POU2F1: variants seen among roughly 807,000 people sequenced by gnomAD.
POU2F1 encodes POU domain, class 2, transcription factor 1.
In POU2F1, 16 loss-of-function variants were observed where a neutral mutation model predicts 84.9. The ratio of observed to expected loss-of-function variants is 0.19; its 90% confidence interval spans 0.13 to 0.29. The LOEUF is 0.29. POU2F1 is among the 10% of genes least tolerant of loss of function. POU2F1 has a pLI of 1.00. For missense variants in POU2F1, 738 were observed against 942.6 expected (o/e 0.78, Z 2.84); for synonymous variants, 368 against 368.3 (o/e 1.00, Z 0.01).
At chr1:167,372,220 C>T (rs960224257) in intron 5 of POU2F1, among the ~76,000 whole-genome samples, 184 bp downstream of exon 5, 11 of 152,196 alleles carry the variant, frequency 7.2e-5, no homozygotes, top group South Asian at 4.1e-4. Flanking sequence ...TTATCTTTGT[C>T]GTAAGTTTTC....
At chr1:167,258,345 T>C (rs1168179644) in intron 1 of POU2F1, among the ~76,000 whole-genome samples, 1 of 152,228 alleles carries the variant, frequency 6.6e-6, no homozygotes, top group Non-Finnish European at 1.5e-5. Flanking sequence ...CTTCCCCTTC[T>C]GAATGTGCCA....
In POU2F1 at chr1:167,352,352, GAGAT is replaced by G. The variant is rs553451313; in HGVS notation, c.128-13108_128-13105del. Among the ~76,000 whole-genome samples, 7 of 152,292 alleles carry G rather than the reference GAGAT, an allele frequency of 4.6e-5. No homozygotes were observed. The South Asian group carries it at 1.2e-3, about 27-fold the overall frequency. On this transcript the variant is annotated intron_variant, in intron 2 of 15. Transcript: ENST00000367866. Reference sequence around the variant, plus strand: ...AAATGTAGTTGAAGTAGCTAGCTGTGAGATAGATAGCAAAGGCCAGAATTCTACT... The same window carrying G: ...AAATGTAGTTGAAGTAGCTAGCTGTGAGATAGCAAAGGCCAGAATTCTACT...
intron 1 of POU2F1, among the ~76,000 whole-genome samples, chr1:167,255,690 A>G (rs1651079845): frequency 1.3e-5 from 2 of 152,150 alleles, no homozygotes; most frequent in Non-Finnish European, 2.9e-5. Context: ...AAGGAGTCGC[A>G]GTTGGAGAGG....
chr1:167,336,124 T>C (rs992899961), intron 2 of POU2F1, among the ~76,000 whole-genome samples: 1 of 152,174 alleles, frequency 6.6e-6, no homozygotes, highest in Admixed American at 6.5e-5. Flanking sequence ...TTATAAAACC[T>C]TAAAATGTAT....
chr1:167,244,622 G>T (rs1650174440), intron 1 of POU2F1, among the ~76,000 whole-genome samples: 1 of 152,142 alleles, frequency 6.6e-6, no homozygotes, highest in African/African-American at 2.4e-5. Flanking sequence ...CACACTCAAG[G>T]GGAAGGGGCT....
In POU2F1 at chr1:167,415,800, A is replaced by G. The variant is rs772282180; in HGVS notation, c.2291A>G (p.Lys764Arg). 1.9e-6 allele frequency: 3 copies of G among 1,613,666 alleles called. No individual in the cohort carries two copies. The highest frequency in any genetic ancestry group is 2.5e-6 in the Non-Finnish European group (3 of 1,179,766). Residue 764 changes from lysine to arginine, a missense_variant, in exon 16 of 16, where the codon AAG becomes AGG. Around this residue, in one of 4 missense-constraint regions of POU2F1, gnomAD observed 319 missense variants for 386.0 expected, o/e 0.83. Transcript: ENST00000367866. ...GAASTTTTASKAQ is the reference protein window; with the variant it reads ...GAASTTTTASRAQ ...GCGTCCACCACCACCACCGCCTCCA[A>G]GGCACAGTGAGCTGGGCAGAGCTGG... is the stretch of plus-strand genomic sequence containing the variant.
intron 1 of POU2F1, among the ~76,000 whole-genome samples, chr1:167,262,832 G>A (rs1197380068): frequency 6.6e-6 from 1 of 152,172 alleles, no homozygotes; most frequent in Non-Finnish European, 1.5e-5. Flanking sequence ...GTGAAGCAAG[G>A]TCTGGTAGAG....
At position 167,239,120 on chromosome 1, in the gene POU2F1, C is replaced by T. The variant is rs35347804; in HGVS notation, c.61+18162C>T. On this transcript the variant is annotated intron_variant, in intron 1 of 15. Coordinates refer to ENST00000367866, the MANE Select transcript of POU2F1 (RefSeq NM_002697.4). ...TGGACAGCCAACTGTCCTAACACTA[C>T]CTATCCCTTCTACCAAAAATGTCAG... Among the ~76,000 whole-genome samples, 1,320 of 152,304 alleles carry T rather than the reference C, an allele frequency of 8.7e-3. 10 individuals are homozygous for T. The highest frequency in any genetic ancestry group is 0.035 in the South Asian group (167 of 4,826).
intron 1 of POU2F1, among the ~76,000 whole-genome samples, chr1:167,290,598 A>G (rs1332369015): frequency 1.3e-5 from 2 of 152,262 alleles, no homozygotes; most frequent in East Asian, 3.8e-4. Flanking sequence ...TTCTGACCCC[A>G]TGGAGCAGAG....
chr1:167,350,163 G>A (rs1457097791), intron 2 of POU2F1, among the ~76,000 whole-genome samples: 1 of 152,160 alleles, frequency 6.6e-6, no homozygotes, highest in Non-Finnish European at 1.5e-5. Flanking sequence ...ATTATTGGGA[G>A]GCAAAGTCAT....
At chr1:167,391,723 C>T (rs1648424465) in intron 9 of POU2F1, among the ~76,000 whole-genome samples, 2 of 151,468 alleles carry the variant, frequency 1.3e-5, no homozygotes, top group Admixed American at 1.3e-4. Flanking sequence ...CACACCACCA[C>T]ACCCGGCTAA....
chr1:167,393,783 G>T (rs1316592295), intron 9 of POU2F1, among the ~76,000 whole-genome samples: 1 of 152,050 alleles, frequency 6.6e-6, no homozygotes, highest in South Asian at 2.1e-4. Context: ...GTAGCTTATT[G>T]TGCAGTTACT....
At chr1:167,272,226 T>C (rs900545337) in intron 1 of POU2F1, among the ~76,000 whole-genome samples, 2 of 152,146 alleles carry the variant, frequency 1.3e-5, no homozygotes, top group African/African-American at 4.8e-5. Flanking sequence ...ATTCTTATAT[T>C]TGCTTATCAG....
intron 1 of POU2F1, among the ~76,000 whole-genome samples, chr1:167,290,070 G>T (rs1653813394): frequency 6.6e-6 from 1 of 152,030 alleles, no homozygotes; most frequent in African/African-American, 2.4e-5. Flanking sequence ...TTATTTACAG[G>T]ATTCCTACAT....
At chr1:167,275,018 A>T (rs1292054628) in intron 1 of POU2F1, among the ~76,000 whole-genome samples, 2 of 147,218 alleles carry the variant, frequency 1.4e-5, no homozygotes, top group African/African-American at 2.5e-5. Flanking sequence ...AATCTTACTT[A>T]GTCAAATAAA....
chr1:167,411,919 A>G, intron 13 of POU2F1, 40 bp from the exon 14 acceptor site: 7 of 1,555,400 alleles, frequency 4.5e-6, no homozygotes, highest in Middle Eastern at 1.7e-4. Flanking sequence ...TTCCAAAACC[A>G]TTTACAAAAG....
At chr1:167,384,747 T>C (rs1647832753) in intron 8 of POU2F1, among the ~76,000 whole-genome samples, 1 of 151,588 alleles carries the variant, frequency 6.6e-6, no homozygotes, top group Admixed American at 6.6e-5. Context: ...AAAACCAACA[T>C]CATACTTCAC....
Position 167,332,512 on chromosome 1 carries a change from T to G in POU2F1, c.104T>G (p.Met35Arg). Residue 35 changes from methionine (M) to arginine (R), a missense_variant, in exon 2 of 16, where the codon ATG (methionine) becomes AGG (arginine). Physicochemically the swap from Met to Arg is moderately conservative, Grantham distance 91 (BLOSUM62 -1). Transcript: ENST00000367866. ...CCGTCAGAAACCAGTAAACCATCTATGGAGAGTGGAGATGGCAACACAGGT... is the reference window on the plus strand; with the variant it reads ...CCGTCAGAAACCAGTAAACCATCTAGGGAGAGTGGAGATGGCAACACAGGT... ...NNPSETSKPS[M>R]ESGDGNTGTQ... 2 of 1,608,034 alleles carry G rather than the reference T, an allele frequency of 1.2e-6. No individual in the cohort carries two copies. Among genetic ancestry groups the G allele is most frequent in the Non-Finnish European group, 1.7e-6 (2 of 1,174,634 alleles).
intron 1 of POU2F1, among the ~76,000 whole-genome samples, chr1:167,327,140 G>A (rs1163311002): frequency 2.0e-5 from 3 of 152,154 alleles, no homozygotes; most frequent in Non-Finnish European, 2.9e-5. Context: ...ACAAAGTGGT[G>A]TGAAATATTA....
Sources: gnomAD v4.1 joint callset for allele counts (sites outside exome capture counted in the v4.1 genomes callset) on GRCh38, gnomAD v4.1.1 for gene constraint, gnomAD v4.1.1 regional missense constraint, MANE v1.5 for transcripts, NCBI Gene and HGNC (gene_info 2026-07-23, HGNC 2026-07-21) for gene names.